The following SLC2A9 variants were observed in gnomAD, a reference collection of about 807,000 sequenced individuals.
SLC2A9 encodes solute carrier family 2 member 9, also known as solute carrier family 2, facilitated glucose transporter member 9.
SLC2A9 carries 39 observed loss-of-function variants against 50.6 expected under a neutral mutation model. The observed-to-expected ratio is 0.77, with a 90% confidence interval of 0.60 to 1.01. SLC2A9 has a LOEUF of 1.01. SLC2A9 is among the 50% of genes least tolerant of loss of function. The pLI is 0.00. For missense variants in SLC2A9, 686 were observed against 677.6 expected, an observed-to-expected ratio of 1.01 and a Z score of -0.14; for synonymous variants, 324 against 276.9, an observed-to-expected ratio of 1.17 and a Z score of -1.69.
At chr4:9,951,293 G>A (rs908971492) in intron 5 of SLC2A9, among the ~76,000 whole-genome samples, 1 of 147,554 alleles carries the variant, frequency 6.8e-6, no homozygotes. Flanking sequence ...TAAAAAATTT[G>A]ATCATATGGA....
chr4:10,007,064 T>C lies in SLC2A9; in HGVS notation c.250-10123A>G, dbSNP rs1003675473. Among the ~76,000 whole-genome samples, 4 of 152,326 alleles carry C rather than the reference T, an allele frequency of 2.6e-5. No individual in the cohort carries two copies. In the South Asian group the frequency reaches 6.2e-4, roughly 24 times the overall value. On this transcript the variant is annotated intron_variant, in intron 2 of 11. Coordinates refer to ENST00000264784, the MANE Select transcript of SLC2A9 (RefSeq NM_020041.3). The stretch of plus-strand genomic sequence containing the variant: ...TCTGGACTTCACCCCTGCACCTTTT[T>C]CCTTTGCTGACTTAGCATTGTGTTC...
At chr4:9,771,624 C>A (rs1381727330) in intron 1 of SLC2A9, among the ~76,000 whole-genome samples, 2 of 152,256 alleles carry the variant, frequency 1.3e-5, no homozygotes, top group East Asian at 3.8e-4. Flanking sequence ...GCTAAGATGA[C>A]TTCACCTTGA....
chr4:10,013,683 G>A (rs958736357), intron 2 of SLC2A9, among the ~76,000 whole-genome samples: 2 of 152,210 alleles, frequency 1.3e-5, no homozygotes, highest in African/African-American at 4.8e-5. Context: ...GGAGAGAGGA[G>A]CACTGAGCGT....
At chr4:9,842,217 AC>A (rs1728190425) in intron 10 of SLC2A9, among the ~76,000 whole-genome samples, 1 of 152,064 alleles carries the variant, frequency 6.6e-6, no homozygotes, top group Non-Finnish European at 1.5e-5. Flanking sequence ...GACCATATTT[AC>A]CTAAAATCCC....
In SLC2A9 at chr4:9,899,594, C is replaced by T. The variant is rs76135946; in HGVS notation, c.1113+8641G>A. Among the ~76,000 whole-genome samples, 1,049 of 152,166 alleles carry T rather than the reference C, an allele frequency of 6.9e-3. 10 individuals carry two copies. Among genetic ancestry groups the T allele is most frequent in the African/African-American group, 0.023 (953 of 41,514 alleles). ...GGACAGGCTCTCTCTAAGTTAAAAA[C>T]GGAATATAATTCAATGAAACAAACT... On this transcript the variant is annotated intron_variant, in intron 8 of 11. Coordinates refer to ENST00000264784, the MANE Select transcript of SLC2A9 (RefSeq NM_020041.3).
At chr4:9,847,795 G>C (rs1018703339) in intron 10 of SLC2A9, among the ~76,000 whole-genome samples, 12 of 152,094 alleles carry the variant, frequency 7.9e-5, no homozygotes, top group African/African-American at 2.9e-4. Flanking sequence ...CCCTTTGTAG[G>C]GTTTCTAATT....
chr4:9,954,954 C>T (rs1750954515), intron 5 of SLC2A9, among the ~76,000 whole-genome samples: 1 of 152,136 alleles, frequency 6.6e-6, no homozygotes, highest in Non-Finnish European at 1.5e-5. Context: ...AGGAGTTGGG[C>T]GAGTGGGCTC....
At chr4:9,910,763 C>T (rs1158873211) in intron 7 of SLC2A9, among the ~76,000 whole-genome samples, 1 of 152,194 alleles carries the variant, frequency 6.6e-6, no homozygotes, top group Non-Finnish European at 1.5e-5. Context: ...AGAGACACTG[C>T]TATAGATGTC....
At chr4:10,030,413 TCCAAAC>T (rs1012420691) in intron 1 of SLC2A9, among the ~76,000 whole-genome samples, 1 of 152,214 alleles carries the variant, frequency 6.6e-6, no homozygotes, top group Non-Finnish European at 1.5e-5. Context: ...TATGCCTTTG[TCCAAAC>T]CCACAGAATG....
In SLC2A9 at chr4:9,783,147, T is replaced by C. The variant is rs1276665833; in HGVS notation, n.386-3082A>G. 1.9e-6 allele frequency: 3 copies of C among 1,614,252 alleles called. No individual in the cohort carries two copies. In the South Asian group the frequency reaches 3.3e-5, roughly 18 times the overall value. On this transcript the variant is annotated intron_variant and non_coding_transcript_variant, in intron 3 of 3. Coordinates refer to the SLC2A9 transcript ENST00000503803. ...TTTCAGAAGGTGTTTGCCCAGCTGCTGGGGTGCAGCCACTTCTGCTCCCGC... is the reference window on the plus strand; with the variant it reads ...TTTCAGAAGGTGTTTGCCCAGCTGCCGGGGTGCAGCCACTTCTGCTCCCGC...
chr4:9,915,756 G>C (rs1333513940), intron 7 of SLC2A9, among the ~76,000 whole-genome samples: 2 of 152,210 alleles, frequency 1.3e-5, no homozygotes, highest in Non-Finnish European at 2.9e-5. Context: ...CTGTTCATCA[G>C]GACATAGCAA....
chr4:9,988,682 T>C (rs1757158664), intron 3 of SLC2A9, among the ~76,000 whole-genome samples: 1 of 152,204 alleles, frequency 6.6e-6, no homozygotes, highest in African/African-American at 2.4e-5. Context: ...CCTGATTCAT[T>C]GTTTTTAGCT....
chr4:10,036,306 T>C (rs1764103643), intron 1 of SLC2A9, among the ~76,000 whole-genome samples: 1 of 152,186 alleles, frequency 6.6e-6, no homozygotes, highest in Non-Finnish European at 1.5e-5. Flanking sequence ...GTTTCCTCAT[T>C]TGTGAAATTG....
chr4:9,781,937 G>C lies in SLC2A9; in HGVS notation n.386-1872C>G, dbSNP rs1428360207. Reference sequence around the variant, plus strand: ...GGGCTCGAGGGTCCCTTGGCTGAGGGGGCGCATCCTCGGGGTGCCCGATGG... The same window carrying C: ...GGGCTCGAGGGTCCCTTGGCTGAGGCGGCGCATCCTCGGGGTGCCCGATGG... On this transcript the variant is annotated intron_variant and non_coding_transcript_variant, in intron 3 of 3. Coordinates refer to the SLC2A9 transcript ENST00000503803. 3 of 1,131,770 alleles carry C rather than the reference G, an allele frequency of 2.7e-6. No individual in the cohort carries two copies. In the Admixed American group the frequency reaches 9.9e-5, roughly 37 times the overall value. The allele number at this position is 1,131,770 out of a possible 1,614,324, so 70.1% of individuals were successfully genotyped here.
chr4:9,913,802 C>T (rs527980448), intron 7 of SLC2A9, among the ~76,000 whole-genome samples: 3 of 152,362 alleles, frequency 2.0e-5, no homozygotes, highest in Admixed American at 2.0e-4. Context: ...GCTAGAGGTG[C>T]TGAACTAACT....
At chr4:9,890,133 A>C (rs1406858047) in intron 9 of SLC2A9, among the ~76,000 whole-genome samples, 1 of 152,158 alleles carries the variant, frequency 6.6e-6, no homozygotes, top group Non-Finnish European at 1.5e-5. Context: ...TGACTTGCTA[A>C]AGTTTCATTA....
At chr4:9,951,293 G>C (rs908971492) in intron 5 of SLC2A9, among the ~76,000 whole-genome samples, 1 of 147,554 alleles carries the variant, frequency 6.8e-6, no homozygotes, top group Non-Finnish European at 1.5e-5. Flanking sequence ...TAAAAAATTT[G>C]ATCATATGGA....
At chr4:9,915,571 C>T (rs1287761459) in intron 7 of SLC2A9, among the ~76,000 whole-genome samples, 1 of 152,172 alleles carries the variant, frequency 6.6e-6, no homozygotes, top group Admixed American at 6.5e-5. Flanking sequence ...TCTATCTTCA[C>T]CACCACTCTA....
At chr4:9,913,187 G>C (rs1181564048) in intron 7 of SLC2A9, among the ~76,000 whole-genome samples, 1 of 152,162 alleles carries the variant, frequency 6.6e-6, no homozygotes, top group Admixed American at 6.5e-5. Context: ...TGTGGGTGGG[G>C]CTCCTTCAAC....
Sources: gnomAD v4.1 joint callset for allele counts (sites outside exome capture counted in the v4.1 genomes callset) on GRCh38, gnomAD v4.1.1 for gene constraint, MANE v1.5 for transcripts, NCBI Gene and HGNC (gene_info 2026-07-23, HGNC 2026-07-21) for gene names.